The following DOCK8 variants were observed in gnomAD, a reference collection of about 807,000 sequenced individuals.
DOCK8 encodes dedicator of cytokinesis protein 8.
Under a neutral mutation model 245.6 loss-of-function variants are expected in DOCK8, and 141 were observed. The observed-to-expected ratio is 0.57, with a 90% confidence interval of 0.50 to 0.66. The LOEUF (loss-of-function observed/expected upper bound fraction) is 0.66, where lower values mean the gene tolerates loss of function less well. Ranked by LOEUF, DOCK8 falls within the 30% of genes least tolerant of loss-of-function variation. DOCK8 has a pLI of 0.00. For synonymous variants in DOCK8, 1,168 were observed against 970.2 expected, an observed-to-expected ratio of 1.20 and a Z score of -3.79; for missense variants, 2,965 against 2,603.4, an observed-to-expected ratio of 1.14 and a Z score of -3.02.
At chr9:407,830 A>G (rs563238242) in intron 28 of DOCK8, among the ~76,000 whole-genome samples, 2 of 152,322 alleles carry the variant, frequency 1.3e-5, no homozygotes, top group African/African-American at 2.4e-5. Context: ...ATATCAGTGC[A>G]CAAAACAGAC....
intron 4 of DOCK8, among the ~76,000 whole-genome samples, chr9:297,600 G>A (rs1292276051): frequency 6.6e-6 from 1 of 152,132 alleles, no homozygotes; most frequent in Admixed American, 6.5e-5. Context: ...GGGTAATGAA[G>A]CTGGGACTCT....
chr9:385,993 A>G (rs973082923), intron 22 of DOCK8, among the ~76,000 whole-genome samples: 1 of 152,110 alleles, frequency 6.6e-6, no homozygotes, highest in African/African-American at 2.4e-5. Flanking sequence ...ACCGTACTAA[A>G]CCACAGAGAG....
intron 28 of DOCK8, among the ~76,000 whole-genome samples, chr9:409,315 T>G (rs2131566179): frequency 6.6e-6 from 1 of 152,310 alleles, no homozygotes; most frequent in South Asian, 2.1e-4. Flanking sequence ...TTTCAAGCAT[T>G]TAGAAATTGT....
intron 40 of DOCK8, among the ~76,000 whole-genome samples, 170 bp from the exon 41 acceptor site, chr9:441,116 A>C (rs1367056200): frequency 1.3e-5 from 2 of 152,154 alleles, no homozygotes; most frequent in African/African-American, 4.8e-5. Flanking sequence ...TTCAGTTTGA[A>C]GGCTACCACT....
chr9:339,199 C>A, intron 13 of DOCK8, 100 bp downstream of exon 13: 2 of 1,050,198 alleles, frequency 1.9e-6, no homozygotes, highest in South Asian at 1.3e-5. Context: ...TCATGTTTGC[C>A]AAGTGAAATG....
In DOCK8 at chr9:387,398, G is replaced by A. The variant is rs947600643; in HGVS notation, c.2874+972G>A. Among the ~76,000 whole-genome samples, 11 of 150,816 alleles carry A rather than the reference G, an allele frequency of 7.3e-5. No individual in the cohort carries two copies. The East Asian group carries it at 7.8e-4, about 11-fold the overall frequency. On this transcript the variant is annotated intron_variant, in intron 23 of 47. Coordinates refer to ENST00000432829, the MANE Select transcript of DOCK8 (RefSeq NM_203447.4). The stretch of plus-strand genomic sequence containing the variant: ...GCAGAGGCTGCAGTGAGCTGAGATC[G>A]TGCCACTGCACTCCAGCCTGGGCGA...
chr9:323,694 C>G (rs1300042860), intron 7 of DOCK8, among the ~76,000 whole-genome samples: 2 of 152,178 alleles, frequency 1.3e-5, no homozygotes, highest in African/African-American at 4.8e-5. Context: ...CCTGGCAACT[C>G]CCATTCTACT....
intron 2 of DOCK8, among the ~76,000 whole-genome samples, chr9:281,265 T>A (rs2048571872): frequency 6.6e-6 from 1 of 151,842 alleles, no homozygotes. Flanking sequence ...AAAAAAGTAG[T>A]TTTGGTTTTT....
chr9:227,622 C>G (rs1233001232), intron 1 of DOCK8, among the ~76,000 whole-genome samples: 1 of 152,128 alleles, frequency 6.6e-6, no homozygotes, highest in Non-Finnish European at 1.5e-5. Context: ...TAACCTAGCC[C>G]ACCCTAACAC....
At position 463,635 on chromosome 9, in the gene DOCK8, C is replaced by G. The variant is rs754936136; in HGVS notation, c.6187C>G (p.Arg2063Gly). 14 of 1,613,560 alleles carry G rather than the reference C, an allele frequency of 8.7e-6. No homozygotes were observed. The East Asian group carries it at 2.9e-4, about 33-fold the overall frequency. ...AGAGAACCTCAGGCCAATGATCGAG[C>G]GGAAAATTCCAGAACTGTACAAGCC... The part of the protein sequence containing the change: ...LKENLRPMIE[R>G]KIPELYKPIF... The change falls in exon 47 of 48, where the codon CGG becomes GGG. Residue 2063 changes from arginine to glycine, a missense_variant. Around this residue, in one of 3 missense-constraint regions of DOCK8, gnomAD observed 134 missense variants for 128.1 expected, o/e 1.05. Coordinates refer to ENST00000432829, the MANE Select transcript of DOCK8 (RefSeq NM_203447.4).
At chr9:258,090 A>C (rs143979743) in intron 1 of DOCK8, among the ~76,000 whole-genome samples, 1 of 128,524 alleles carries the variant, frequency 7.8e-6, no homozygotes, top group African/African-American at 2.8e-5. Context: ...AGCCACCTCC[A>C]TAAGTTCCAT....
chr9:336,012 G>T (rs557960629), intron 11 of DOCK8, among the ~76,000 whole-genome samples: 3 of 152,282 alleles, frequency 2.0e-5, no homozygotes, highest in Non-Finnish European at 4.4e-5. Flanking sequence ...AACTATCAGG[G>T]TCCCAGCCCA....
At position 328,187 on chromosome 9, in the gene DOCK8, C is replaced by G; in HGVS notation, c.1044+16C>G. 6 of 1,609,292 alleles carry G rather than the reference C, an allele frequency of 3.7e-6. No individual in the cohort carries two copies. The highest frequency in any genetic ancestry group is 3.4e-6 in the Non-Finnish European group (4 of 1,177,418). On this transcript the variant is annotated intron_variant, in intron 9 of 47. Transcript: ENST00000432829. ...GGTAGTCAAGGTAATTCAGTACGAT[C>G]TGATTTGCCCAATCTGATGTTTTCA...
chr9:382,510 C>T lies in DOCK8; in HGVS notation c.2606-3C>T. ...TGACATGTCTCTGCCTGGTGGGGTGCAGGCGCTCCCACTGCCCTCCTAGAC... is the reference window on the plus strand; with the variant it reads ...TGACATGTCTCTGCCTGGTGGGGTGTAGGCGCTCCCACTGCCCTCCTAGAC... On this transcript the variant is annotated splice_region_variant and splice_polypyrimidine_tract_variant and intron_variant, in intron 21 of 47. Transcript: ENST00000432829. 6.2e-7 allele frequency: 1 copy of T among 1,613,508 alleles called. No homozygotes were observed.
At chr9:217,299 G>C (rs1415526050) in intron 1 of DOCK8, among the ~76,000 whole-genome samples, 2 of 152,182 alleles carry the variant, frequency 1.3e-5, no homozygotes, top group Non-Finnish European at 2.9e-5. Flanking sequence ...AAGATAGAAA[G>C]GTAGGAAGGA....
chr9:446,404 T>C lies in DOCK8; in HGVS notation c.5615T>C (p.Phe1872Ser). 1.2e-6 allele frequency: 2 copies of C among 1,614,166 alleles called. No individual in the cohort carries two copies. Among genetic ancestry groups the C allele is most frequent in the Non-Finnish European group, 1.7e-6 (2 of 1,180,018 alleles). The change falls in exon 44 of 48, where the codon TTT becomes TCT. Residue 1872 changes from phenylalanine (F) to serine (S), a missense_variant. By Grantham distance (155) the Phe-to-Ser change is radical. Transcript: ENST00000432829. ...CAGATCACTTTTGTGGAGCCCTACT[T>C]TGATGAGTATGAGATGAAAGACAGG... is the stretch of plus-strand genomic sequence containing the variant. The part of the protein sequence containing the change: ...YIQITFVEPY[F>S]DEYEMKDRVT...
chr9:312,359 G>A lies in DOCK8; in HGVS notation c.741+193G>A, dbSNP rs2050163771. The A allele has an allele frequency of 8.4e-6, 6 of 716,008 alleles. No homozygotes were observed. In the East Asian group the frequency reaches 1.6e-4, roughly 20 times the overall value. 44.4% of individuals were successfully genotyped at this position (716,008 alleles called of 1,614,324 possible). A position where few individuals can be genotyped will look rare whatever the true frequency, so the allele number is the denominator to read the frequency against. On this transcript the variant is annotated intron_variant, in intron 6 of 47. Transcript: ENST00000432829. ...AGCCATTATTGATTATCACACAGAT[G>A]GGATTCTGATAATAATAACAACTGG...
intron 14 of DOCK8, among the ~76,000 whole-genome samples, chr9:365,118 AT>A (rs1180752975): frequency 1.4e-4 from 22 of 152,260 alleles, no homozygotes; most frequent in African/African-American, 4.8e-4. Context: ...TGTAGGACCC[AT>A]GACGAAAAGT....
chr9:232,462 G>T (rs1323823716), intron 1 of DOCK8, among the ~76,000 whole-genome samples: 1 of 152,180 alleles, frequency 6.6e-6, no homozygotes, highest in East Asian at 1.9e-4. Context: ...AATAATTTCA[G>T]AAGGAATGGT....
Sources: allele counts gnomAD v4.1 joint callset (sites outside exome capture counted in the v4.1 genomes callset), GRCh38; gene constraint gnomAD v4.1.1; regional missense constraint gnomAD v4.1.1; transcripts MANE v1.5; gene names NCBI Gene and HGNC (gene_info 2026-07-23, HGNC 2026-07-21).